NTM: variants seen among roughly 807,000 people sequenced by gnomAD.
NTM encodes IgLON family member 2.
NTM carries 13 observed loss-of-function variants against 42.1 expected under a neutral mutation model. The ratio of observed to expected loss-of-function variants is 0.31; its 90% CI spans 0.20 to 0.49. NTM has a LOEUF of 0.49. Among genes scored for constraint, NTM ranks in the 20% least tolerant of loss-of-function variants. The probability of loss-of-function intolerance (pLI) is 0.99; values close to 1 mark genes in which losing one functional copy is unlikely to be tolerated. For missense variants in NTM, 373 were observed against 452.8 expected (o/e 0.82, Z 1.60); for synonymous variants, 187 against 179.2 (o/e 1.04, Z -0.35).
At chr11:131,579,511 T>C (rs2058211932) in intron 1 of NTM, among the ~76,000 whole-genome samples, 1 of 152,204 alleles carries the variant, frequency 6.6e-6, no homozygotes, top group South Asian at 2.1e-4. Flanking sequence ...GAGGATAATA[T>C]TACAGGACCC....
intron 1 of NTM, among the ~76,000 whole-genome samples, chr11:131,611,683 G>C (rs182146017): frequency 6.6e-6 from 1 of 152,332 alleles, no homozygotes; most frequent in East Asian, 1.9e-4. Context: ...TAATGAGAAA[G>C]TAGAGGCATT....
At chr11:131,495,923 T>C (rs1162584712) in intron 1 of NTM, among the ~76,000 whole-genome samples, 1 of 152,204 alleles carries the variant, frequency 6.6e-6, no homozygotes, top group Non-Finnish European at 1.5e-5. Flanking sequence ...GAAAGAGGTG[T>C]CAGTTTATCA....
At position 131,405,345 on chromosome 11, in the gene NTM, C is replaced by T. The variant is rs1357422358; in HGVS notation, c.82+34457C>T. On this transcript the variant is annotated intron_variant, in intron 1 of 8. Transcript: ENST00000683400. Reference sequence around the variant, plus strand: ...ATGTGTTTCAAATGGAAATTGTAGTCCAACTATCTTCTGCCCCAGTGAGAG... The same window carrying T: ...ATGTGTTTCAAATGGAAATTGTAGTTCAACTATCTTCTGCCCCAGTGAGAG... Among the ~76,000 whole-genome samples, 4 of 152,282 alleles carry T rather than the reference C, an allele frequency of 2.6e-5. No homozygotes were observed. The East Asian group carries it at 7.7e-4, about 29-fold the overall frequency.
chr11:132,322,058 C>T (rs1380052541), intron 7 of NTM, among the ~76,000 whole-genome samples: 4 of 152,020 alleles, frequency 2.6e-5, no homozygotes, highest in Non-Finnish European at 2.9e-5. Context: ...CAACTGGTAC[C>T]ATCCACTGCA....
chr11:131,794,497 G>C, intron 1 of NTM: 1 of 982,526 alleles, frequency 1.0e-6, no homozygotes, highest in Non-Finnish European at 1.2e-6. Context: ...TTTGTTCCTT[G>C]GGAGTCAGCC....
intron 1 of NTM, among the ~76,000 whole-genome samples, chr11:131,821,320 T>C (rs1330712356): frequency 2.6e-5 from 4 of 152,358 alleles, no homozygotes; most frequent in South Asian, 2.1e-4. Flanking sequence ...TCCTTAGTCA[T>C]GACCTGCTCT....
chr11:132,142,107 A>G (rs999882997), intron 2 of NTM, among the ~76,000 whole-genome samples: 2 of 152,154 alleles, frequency 1.3e-5, no homozygotes, highest in Admixed American at 6.5e-5. Flanking sequence ...GGAGGGCGGT[A>G]TATCTGGAGG....
intron 2 of NTM, among the ~76,000 whole-genome samples, chr11:132,122,102 T>C (rs1442205749): frequency 3.3e-5 from 5 of 152,160 alleles, no homozygotes. Flanking sequence ...GAATTGCGTG[T>C]TTAGGAAAGC....
chr11:131,800,420 G>A (rs1565568189), intron 1 of NTM, among the ~76,000 whole-genome samples: 2 of 152,212 alleles, frequency 1.3e-5, no homozygotes, highest in Non-Finnish European at 2.9e-5. Flanking sequence ...CTCTCCATGG[G>A]AATTGTGAAA....
At chr11:132,239,446 C>T (rs2089757994) in intron 4 of NTM, among the ~76,000 whole-genome samples, 1 of 152,110 alleles carries the variant, frequency 6.6e-6, no homozygotes, top group African/African-American at 2.4e-5. Context: ...TAGAAAATTC[C>T]AGGGTTTCTT....
At chr11:131,665,511 G>A (rs112943410) in intron 1 of NTM, among the ~76,000 whole-genome samples, 118 of 152,264 alleles carry the variant, frequency 7.7e-4, no homozygotes, top group African/African-American at 2.7e-3. Flanking sequence ...CCAATATGAC[G>A]AATGTCCTTA....
intron 1 of NTM, among the ~76,000 whole-genome samples, chr11:131,674,137 G>A (rs1047802562): frequency 1.3e-5 from 2 of 152,248 alleles, no homozygotes; most frequent in African/African-American, 4.8e-5. Context: ...ACGGGGTGCG[G>A]GCGCCCTCGC....
intron 7 of NTM, among the ~76,000 whole-genome samples, chr11:132,316,323 T>C (rs1297978485): frequency 6.6e-6 from 1 of 152,174 alleles, no homozygotes; most frequent in Non-Finnish European, 1.5e-5. Flanking sequence ...GTGCAGGTCA[T>C]AAATATGCTC....
At chr11:132,172,645 C>T (rs760500882) in intron 3 of NTM, among the ~76,000 whole-genome samples, 8 of 152,198 alleles carry the variant, frequency 5.3e-5, no homozygotes, top group Non-Finnish European at 1.0e-4. Context: ...CATGTAGCCT[C>T]ACAAGATATA....
Position 131,858,983 on chromosome 11 carries a change from G to A in NTM, c.83-52581G>A, listed in dbSNP as rs185208119. On this transcript the variant is annotated intron_variant, in intron 1 of 8. Coordinates refer to ENST00000683400, the MANE Select transcript of NTM (RefSeq NM_001352005.2). ...TCATTCTCAGCCTGGAAAATGGAAC[G>A]TAAACATCACAACCTCAGCCAGTCA... is the stretch of plus-strand genomic sequence containing the variant. 2.0e-5 allele frequency among the ~76,000 whole-genome samples: 3 copies of A among 152,294 alleles called. No individual in the cohort carries two copies. In the East Asian group the frequency reaches 5.8e-4, roughly 29 times the overall value.
At chr11:132,011,381 G>C (rs2072152864) in intron 2 of NTM, among the ~76,000 whole-genome samples, 5 of 152,176 alleles carry the variant, frequency 3.3e-5, no homozygotes, top group Admixed American at 3.3e-4. Flanking sequence ...AAGGGTTCAT[G>C]CATCTCTGTT....
chr11:132,236,545 C>A (rs951217871), intron 4 of NTM, among the ~76,000 whole-genome samples: 5 of 152,126 alleles, frequency 3.3e-5, no homozygotes, highest in Non-Finnish European at 7.3e-5. Context: ...AGCACTCATC[C>A]ACAGCAGCCA....
chr11:131,694,927 C>A (rs2075253535), intron 1 of NTM, among the ~76,000 whole-genome samples: 1 of 151,954 alleles, frequency 6.6e-6, no homozygotes, highest in Non-Finnish European at 1.5e-5. Flanking sequence ...CCCTCGCAGC[C>A]GGAATGGGGC....
At chr11:131,510,265 G>A (rs60673343) in intron 1 of NTM, among the ~76,000 whole-genome samples, 6,448 of 152,246 alleles carry the variant, frequency 0.042, 443 homozygotes, top group African/African-American at 0.14. Context: ...CATCCGCAGC[G>A]GGCTTTCTAC....
Sources: gnomAD v4.1 joint callset for allele counts (sites outside exome capture counted in the v4.1 genomes callset) on GRCh38, gnomAD v4.1.1 for gene constraint, MANE v1.5 for transcripts, NCBI Gene and HGNC (gene_info 2026-07-23, HGNC 2026-07-21) for gene names.